NOXRED1: variants seen among roughly 807,000 people sequenced by gnomAD.
NOXRED1 encodes the protein NADP-dependent oxidoreductase domain-containing protein 1.
Under a neutral mutation model 30.4 loss-of-function variants are expected in NOXRED1, and 20 were observed. The observed-to-expected ratio is 0.66, with a 90% CI of 0.46 to 0.96. NOXRED1 has a LOEUF of 0.96. NOXRED1 is among the 40% of genes least tolerant of loss of function. The pLI is 0.00. For synonymous variants in NOXRED1, 155 were observed against 168.0 expected, an observed-to-expected ratio of 0.92 and a Z score of 0.60; for missense variants, 374 against 428.0, an observed-to-expected ratio of 0.87 and a Z score of 1.11.
chr14:77,406,561 A>G, intron 4 of NOXRED1, 163 bp downstream of exon 4: 2 of 801,388 alleles, frequency 2.5e-6, no homozygotes, highest in Non-Finnish European at 4.3e-6. Context: ...AGCTCTTCCT[A>G]AGTAGCTCTC....
At chr14:77,422,389 G>T (rs1895019461) in intron 1 of NOXRED1, among the ~76,000 whole-genome samples, 1 of 152,124 alleles carries the variant, frequency 6.6e-6, no homozygotes. Flanking sequence ...GATTCCATTT[G>T]CATTCCTTGC....
intron 5 of NOXRED1, among the ~76,000 whole-genome samples, chr14:77,395,353 G>A (rs1040304076): frequency 6.6e-5 from 10 of 151,858 alleles, no homozygotes; most frequent in East Asian, 1.9e-4. Context: ...TGATCTGCCC[G>A]TCTCGGCCTC....
intron 2 of NOXRED1, among the ~76,000 whole-genome samples, chr14:77,411,550 A>G (rs1231388042): frequency 2.6e-5 from 4 of 152,134 alleles, no homozygotes; most frequent in Admixed American, 6.6e-5. Flanking sequence ...AAAAAACACT[A>G]CAAACTGTAT....
chr14:77,412,044 G>A (rs979413242), intron 2 of NOXRED1, among the ~76,000 whole-genome samples: 2 of 143,874 alleles, frequency 1.4e-5, no homozygotes, highest in Admixed American at 1.5e-4. Flanking sequence ...GCAGTGAGCC[G>A]AGATCGTGCT....
chr14:77,416,235 T>C (rs556294217), intron 1 of NOXRED1, among the ~76,000 whole-genome samples: 3 of 152,332 alleles, frequency 2.0e-5, no homozygotes, highest in African/African-American at 7.2e-5. Flanking sequence ...TTGATAAGGA[T>C]TGCAGTGCAT....
Position 77,398,189 on chromosome 14 carries a change from A to G in NOXRED1, c.906-3384T>C, listed in dbSNP as rs551909932. Among the ~76,000 whole-genome samples, 4 of 152,286 alleles carry G rather than the reference A, an allele frequency of 2.6e-5. No homozygotes were observed. The East Asian group carries it at 7.7e-4, about 29-fold the overall frequency. ...AATTGCTGGAGGTTCAGAGTGGACA[A>G]GTCTGAGAATAAAAATGTCAGACTT... On this transcript the variant is annotated intron_variant, in intron 5 of 5. Coordinates refer to ENST00000380835, the MANE Select transcript of NOXRED1 (RefSeq NM_001113475.3).
chr14:77,412,692 T>C (rs1387778602), intron 2 of NOXRED1, among the ~76,000 whole-genome samples: 1 of 152,166 alleles, frequency 6.6e-6, no homozygotes, highest in Admixed American at 6.6e-5. Flanking sequence ...TTTGTATTTT[T>C]AGTAGAGACT....
intron 5 of NOXRED1, among the ~76,000 whole-genome samples, chr14:77,395,980 G>C (rs1410776204): frequency 6.6e-6 from 1 of 152,048 alleles, no homozygotes; most frequent in Non-Finnish European, 1.5e-5. Context: ...TACTCAGGAG[G>C]CTGAGAGAAG....
intron 2 of NOXRED1, among the ~76,000 whole-genome samples, 182 bp from the exon 3 acceptor site, chr14:77,407,827 T>C (rs546553005): frequency 2.0e-4 from 31 of 151,928 alleles, no homozygotes; most frequent in Non-Finnish European, 4.4e-4. Flanking sequence ...GCCCTAACTC[T>C]ATTACTAAAG....
chr14:77,410,055 A>C (rs1157583319), intron 2 of NOXRED1, among the ~76,000 whole-genome samples: 9 of 151,958 alleles, frequency 5.9e-5, no homozygotes, highest in Non-Finnish European at 1.5e-5. Context: ...CAGCTGACTC[A>C]GTCTCTCAGA....
chr14:77,418,192 T>A (rs1293257619), intron 1 of NOXRED1, among the ~76,000 whole-genome samples: 1 of 152,014 alleles, frequency 6.6e-6, no homozygotes, highest in African/African-American at 2.4e-5. Flanking sequence ...TAGAGTACAG[T>A]GGCGTGAACA....
intron 1 of NOXRED1, among the ~76,000 whole-genome samples, chr14:77,421,834 T>A (rs176782): frequency 0.96 from 145,604 of 152,286 alleles, 69,926 homozygotes; most frequent in East Asian, 1. Flanking sequence ...CATAAGTCAC[T>A]CTCTATTTAA....
At chr14:77,420,270 TTTCAA>T (rs1406854821) in intron 1 of NOXRED1, among the ~76,000 whole-genome samples, 3 of 152,208 alleles carry the variant, frequency 2.0e-5, no homozygotes, top group Non-Finnish European at 2.9e-5. Context: ...TAGTGAGTTG[TTTCAA>T]TTCAATTATT....
chr14:77,411,776 GT>G (rs2139685454), intron 2 of NOXRED1, among the ~76,000 whole-genome samples: 1 of 152,188 alleles, frequency 6.6e-6, no homozygotes, highest in South Asian at 2.1e-4. Flanking sequence ...TCTTTTAACT[GT>G]GTGCCATTTA....
chr14:77,407,674 G>A (rs1594873559), intron 2 of NOXRED1, 29 bp from the exon 3 acceptor site: 1 of 1,557,972 alleles, frequency 6.4e-7, no homozygotes. Context: ...GACAGGAAGA[G>A]CACAGTACTA....
intron 2 of NOXRED1, among the ~76,000 whole-genome samples, chr14:77,411,867 A>C (rs1894662929): frequency 1.3e-5 from 2 of 152,132 alleles, no homozygotes; most frequent in South Asian, 4.1e-4. Flanking sequence ...CGAGGCAGGC[A>C]GATCACCTGA....
upstream of NOXRED1, among the ~76,000 whole-genome samples, chr14:77,425,354 A>C (rs1329327558): frequency 6.6e-6 from 1 of 152,220 alleles, no homozygotes; most frequent in African/African-American, 2.4e-5. Context: ...GAAAGGTCAA[A>C]ATTCTCTAAC....
chr14:77,412,680 T>A (rs761300026), intron 2 of NOXRED1, among the ~76,000 whole-genome samples: 3 of 152,112 alleles, frequency 2.0e-5, no homozygotes, highest in Non-Finnish European at 4.4e-5. Flanking sequence ...ACCTGGCTAA[T>A]TTTTGTATTT....
intron 1 of NOXRED1, among the ~76,000 whole-genome samples, chr14:77,421,786 A>C (rs1894999467): frequency 6.6e-6 from 1 of 152,170 alleles, no homozygotes; most frequent in African/African-American, 2.4e-5. Context: ...TTCTGTAAAA[A>C]CCAGTGTCTT....
Sources: gnomAD v4.1 joint callset for allele counts (sites outside exome capture counted in the v4.1 genomes callset) on GRCh38, gnomAD v4.1.1 for gene constraint, MANE v1.5 for transcripts, NCBI Gene and HGNC (gene_info 2026-07-23, HGNC 2026-07-21) for gene names.